Variants in CEP70 observed in about 807,000 individuals in gnomAD.
CEP70 encodes the protein centrosomal protein 70.
In CEP70, 70 loss-of-function variants were observed where a neutral mutation model predicts 90.9. The ratio of observed to expected loss-of-function variants is 0.77; its 90% confidence interval spans 0.64 to 0.94. The LOEUF (loss-of-function observed/expected upper bound fraction) is 0.94. Ranked by LOEUF, CEP70 falls within the 40% of genes least tolerant of loss-of-function variation. CEP70 has a pLI of 0.00. For synonymous variants in CEP70, 220 were observed against 228.3 expected (o/e 0.96, Z 0.33); for missense variants, 648 against 669.0 (o/e 0.97, Z 0.35).
intron 6 of CEP70, among the ~76,000 whole-genome samples, chr3:138,552,426 AC>A (rs2039689048): frequency 6.6e-6 from 1 of 152,218 alleles, no homozygotes; most frequent in Non-Finnish European, 1.5e-5. Flanking sequence ...ATGATAGGCC[AC>A]AAAACAAGTC....
intron 7 of CEP70, among the ~76,000 whole-genome samples, chr3:138,533,910 G>A (rs576692605): frequency 2.0e-4 from 31 of 151,942 alleles, no homozygotes; most frequent in African/African-American, 7.0e-4. Context: ...TCAGCCTCCC[G>A]AGTAGCTGGG....
Position 138,556,025 on chromosome 3 carries a change from C to T in CEP70, c.465+14293G>A, listed in dbSNP as rs1224916121. Among the ~76,000 whole-genome samples, 6 of 152,234 alleles carry T rather than the reference C, an allele frequency of 3.9e-5. No individual in the cohort carries two copies. In the East Asian group the frequency reaches 1.2e-3, roughly 29 times the overall value. On this transcript the variant is annotated intron_variant, in intron 6 of 17. Coordinates refer to ENST00000264982, the MANE Select transcript of CEP70 (RefSeq NM_024491.4). ...CAAAAATGTGGAAGCAGCTGAAATG[C>T]CCATCAATCAACAAGTGGATAAAGA...
intron 2 of CEP70, among the ~76,000 whole-genome samples, chr3:138,591,329 C>G (rs1447870787): frequency 6.6e-6 from 1 of 151,962 alleles, no homozygotes; most frequent in Non-Finnish European, 1.5e-5. Flanking sequence ...TTACCCAACT[C>G]TAAACAAGAT....
At chr3:138,519,934 G>A (rs375403113) in intron 11 of CEP70, among the ~76,000 whole-genome samples, 7 of 152,126 alleles carry the variant, frequency 4.6e-5, no homozygotes, top group African/African-American at 9.7e-5. Flanking sequence ...TATTCAGGAA[G>A]CCCATCTCAC....
At chr3:138,526,494 G>A in intron 10 of CEP70, among the ~76,000 whole-genome samples, 1 of 152,062 alleles carries the variant, frequency 6.6e-6, no homozygotes, top group East Asian at 1.9e-4. Flanking sequence ...CAGGAAATTT[G>A]TTTTGGTCCC....
chr3:138,495,862 C>T, intron 17 of CEP70: 1 of 984,378 alleles, frequency 1.0e-6, no homozygotes, highest in Non-Finnish European at 1.2e-6. Context: ...TCAAAAAAAA[C>T]AATTATCTGC....
chr3:138,572,179 T>C lies in CEP70; in HGVS notation c.69+680A>G, dbSNP rs543461739. ...ACAGCTCCTTGTCAAATGGACAAGG[T>C]CTAACTATAAAAAGGAGCCCGTCCA... On this transcript the variant is annotated intron_variant, in intron 3 of 17. Transcript: ENST00000264982. Among the ~76,000 whole-genome samples, 16 of 152,288 alleles carry C rather than the reference T, an allele frequency of 1.1e-4. No individual in the cohort carries two copies. In the South Asian group the frequency reaches 1.9e-3, roughly 18 times the overall value.
Position 138,495,091 on chromosome 3 carries a change from CAGT to C in CEP70, c.1733-18_1733-16del. On this transcript the variant is annotated splice_polypyrimidine_tract_variant and intron_variant, in intron 17 of 17. Transcript: ENST00000264982. The stretch of plus-strand genomic sequence containing the variant: ...GTCATCAATTTCTGTAATACAAAAA[CAGT>C]AATAATAAAAGAGAGTAACTTTTTC... 1 of 1,495,350 alleles carries C rather than the reference CAGT, an allele frequency of 6.7e-7. No homozygotes were observed. Among genetic ancestry groups the C allele is most frequent in the Admixed American group, 1.7e-5 (1 of 58,442 alleles). The allele number at this position is 1,495,350 out of a possible 1,614,324, so 92.6% of individuals were successfully genotyped here. A position where few individuals can be genotyped will look rare whatever the true frequency, so the allele number is the denominator to read the frequency against.
intron 1 of CEP70, 131 bp downstream of exon 1, chr3:138,594,067 G>C (rs1370490377): frequency 1.3e-5 from 2 of 152,282 alleles, no homozygotes; most frequent in Non-Finnish European, 2.9e-5. Flanking sequence ...TAATTGGCGC[G>C]ACCCTGTCCC....
At chr3:138,526,415 C>A (rs2037257927) in intron 10 of CEP70, among the ~76,000 whole-genome samples, 1 of 152,136 alleles carries the variant, frequency 6.6e-6, no homozygotes, top group Admixed American at 6.6e-5. Context: ...CCTGCTTCGG[C>A]CTCCTAAAGT....
In CEP70 at chr3:138,508,765, G is replaced by C. The variant is rs140495133; in HGVS notation, c.945-221C>G. 7.1e-3 allele frequency among the ~76,000 whole-genome samples: 1,066 copies of C among 149,474 alleles called. 13 individuals carry two copies. The highest frequency in any genetic ancestry group is 0.025 in the African/African-American group (1,020 of 40,544). ...TTTTTTTTTTTTGAGACAGAATCTC[G>C]CTCTATCACCCAGGCTGGAGTGCAG... On this transcript the variant is annotated intron_variant, in intron 11 of 17. Coordinates refer to ENST00000264982, the MANE Select transcript of CEP70 (RefSeq NM_024491.4).
At chr3:138,537,790 A>G (rs2038410997) in intron 6 of CEP70, among the ~76,000 whole-genome samples, 3 of 152,172 alleles carry the variant, frequency 2.0e-5, no homozygotes, top group Admixed American at 2.0e-4. Context: ...ATTATCATCA[A>G]GAAATAATCA....
intron 6 of CEP70, among the ~76,000 whole-genome samples, chr3:138,544,413 T>C (rs976230796): frequency 6.7e-6 from 1 of 149,818 alleles, no homozygotes; most frequent in Non-Finnish European, 1.5e-5. Flanking sequence ...TGGTACACTA[T>C]AGGTGGGAAT....
At chr3:138,567,215 T>C (rs1307944822) in intron 6 of CEP70, among the ~76,000 whole-genome samples, 1 of 152,228 alleles carries the variant, frequency 6.6e-6, no homozygotes, top group Non-Finnish European at 1.5e-5. Context: ...TCTTTGCATA[T>C]ACATACAAAA....
rs546512526 is a variant in CEP70 at position 138,560,943 on chromosome 3, C to T, written c.465+9375G>A. 2.0e-5 allele frequency among the ~76,000 whole-genome samples: 3 copies of T among 152,244 alleles called. No homozygotes were observed. The East Asian group carries it at 5.8e-4, about 30-fold the overall frequency. On this transcript the variant is annotated intron_variant, in intron 6 of 17. Transcript: ENST00000264982. ...GGGGAAGGGGCAGATGTGGGCACAGCGTCAGCAGACTTAAACGTCCTGGCC... is the reference window on the plus strand; with the variant it reads ...GGGGAAGGGGCAGATGTGGGCACAGTGTCAGCAGACTTAAACGTCCTGGCC...
Position 138,518,884 on chromosome 3 carries a change from G to A in CEP70, c.944+6606C>T, listed in dbSNP as rs542073817. 6.8e-3 allele frequency among the ~76,000 whole-genome samples: 1,038 copies of A among 152,204 alleles called. 9 individuals carry two copies. The highest frequency in any genetic ancestry group is 0.023 in the African/African-American group (971 of 41,514). Reference sequence around the variant, plus strand: ...AGACTTCAGAAGATCAAACTACTCCGAGCTAAAGGAGGAAGTTTGAACCCA... The same window carrying A: ...AGACTTCAGAAGATCAAACTACTCCAAGCTAAAGGAGGAAGTTTGAACCCA... On this transcript the variant is annotated intron_variant, in intron 11 of 17. Coordinates refer to ENST00000264982, the MANE Select transcript of CEP70 (RefSeq NM_024491.4).
chr3:138,586,136 G>T (rs2042094295), intron 2 of CEP70, among the ~76,000 whole-genome samples: 1 of 152,102 alleles, frequency 6.6e-6, no homozygotes, highest in South Asian at 2.1e-4. Context: ...TCTGACGAGG[G>T]TTAATAGCCA....
In CEP70 at chr3:138,505,235, T is replaced by C. The variant is rs2034870039; in HGVS notation, c.1221+60A>G. ...TTTTTAGCCCTGAATTAAGTCCTAT[T>C]AATAAAGCACATAGAGTCCAATAGA... On this transcript the variant is annotated intron_variant, in intron 13 of 17. Coordinates refer to ENST00000264982, the MANE Select transcript of CEP70 (RefSeq NM_024491.4). 2.3e-6 allele frequency: 3 copies of C among 1,281,048 alleles called. No homozygotes were observed. In the East Asian group the frequency reaches 7.8e-5, roughly 33 times the overall value. The allele number at this position is 1,281,048 out of a possible 1,614,324, so 79.4% of individuals were successfully genotyped here. A position where few individuals can be genotyped will look rare whatever the true frequency, so the allele number is the denominator to read the frequency against.
rs1208525756 is a variant in CEP70 at position 138,537,929 on chromosome 3, T to TCCC, written c.466-583_466-582insGGG. 2.8e-4 allele frequency among the ~76,000 whole-genome samples: 43 copies of TCCC among 152,244 alleles called. No homozygotes were observed. The East Asian group carries it at 6.8e-3, about 24-fold the overall frequency. ...ATATCCCAGAACTCAAATCTGAGGA[T>TCCC]GGGACAATCCCCGGGACCACAAAGA... is the stretch of plus-strand genomic sequence containing the variant. On this transcript the variant is annotated intron_variant, in intron 6 of 17. Transcript: ENST00000264982.
Sources: allele counts gnomAD v4.1 joint callset (sites outside exome capture counted in the v4.1 genomes callset), GRCh38; gene constraint gnomAD v4.1.1; transcripts MANE v1.5; gene names NCBI Gene and HGNC (gene_info 2026-07-23, HGNC 2026-07-21).